Variants in ABCB11 observed in about 807,000 individuals in gnomAD.
The protein encoded by ABCB11 is ATP binding cassette subfamily B member 11, also known as bile salt export pump.
A neutral mutation model predicts 148.0 loss-of-function variants in ABCB11; 95 were observed. That is an observed-to-expected ratio of 0.64 (90% CI 0.54 to 0.76). The LOEUF (loss-of-function observed/expected upper bound fraction) is 0.76. Ranked by LOEUF, ABCB11 falls within the 30% of genes least tolerant of loss-of-function variation. ABCB11 has a pLI of 0.00. For missense variants in ABCB11, 1,523 were observed against 1,617.8 expected, an observed-to-expected ratio of 0.94 and a Z score of 1.01; for synonymous variants, 591 against 555.4, an observed-to-expected ratio of 1.06 and a Z score of -0.90.
At chr2:168,980,057 T>C in intron 10 of ABCB11, 78 bp from the exon 11 acceptor site, 2 of 800,794 alleles carry the variant, frequency 2.5e-6, no homozygotes, top group Non-Finnish European at 4.1e-6. Context: ...GGGTCTTCCA[T>C]GTTAACGCAG....
chr2:168,918,173 TG>T (rs1429344490), downstream of ABCB11, among the ~76,000 whole-genome samples: 1 of 152,080 alleles, frequency 6.6e-6, no homozygotes, highest in East Asian at 1.9e-4. Flanking sequence ...ATTCCTTACG[TG>T]GGGGCTGACA....
At chr2:168,965,200 A>G (rs1479672336) in intron 17 of ABCB11, among the ~76,000 whole-genome samples, 1 of 151,826 alleles carries the variant, frequency 6.6e-6, no homozygotes, top group Admixed American at 6.6e-5. Flanking sequence ...GAGAGAATGT[A>G]TAAACATAAG....
chr2:168,976,015 A>C (rs930669865), intron 12 of ABCB11, among the ~76,000 whole-genome samples: 33 of 152,038 alleles, frequency 2.2e-4, no homozygotes, highest in African/African-American at 7.7e-4. Flanking sequence ...TGTAAAGATA[A>C]TTTAAAGGCA....
Position 168,924,651 on chromosome 2 carries a change from A to C in ABCB11, c.3765+6T>G. ...TGATCTAAGACTTTAGAAATTCAAC[A>C]CTTACCTTTTCACTTTCTGTGTCTA... On this transcript the variant is annotated splice_donor_region_variant and intron_variant, in intron 27 of 27. Transcript: ENST00000650372. The C allele has an allele frequency of 6.2e-7, 1 of 1,613,678 alleles. No individual in the cohort carries two copies. Among genetic ancestry groups the C allele is most frequent in the Non-Finnish European group, 8.5e-7 (1 of 1,179,776 alleles).
intron 19 of ABCB11, among the ~76,000 whole-genome samples, chr2:168,947,681 G>C (rs1238949776): frequency 2.6e-5 from 4 of 151,770 alleles, no homozygotes; most frequent in Non-Finnish European, 5.9e-5. Flanking sequence ...ATTATGCAAA[G>C]AGACAACCTA....
At chr2:168,982,511 T>G (rs1201794496) in intron 10 of ABCB11, among the ~76,000 whole-genome samples, 1 of 152,076 alleles carries the variant, frequency 6.6e-6, no homozygotes, top group African/African-American at 2.4e-5. Context: ...TTCTGCACCA[T>G]TCAGGTCCCC....
rs545073417 is a variant in ABCB11 at position 169,023,038 on chromosome 2, G to A, written c.-27-4886C>T. On this transcript the variant is annotated intron_variant, in intron 1 of 27. Coordinates refer to ENST00000650372, the MANE Select transcript of ABCB11 (RefSeq NM_003742.4). ...TACTAAAACTATTCATTGAAATATT[G>A]GCAAAGATGAAATATCCAGTAGTAC... Among the ~76,000 whole-genome samples the A allele has an allele frequency of 4.2e-4, 64 of 152,138 alleles. 1 individual carries two copies. The South Asian group carries it at 0.012, about 28-fold the overall frequency.
rs367732132 is a variant in ABCB11, at chr2:169,014,351, T to C, written c.102A>G (p.Leu34=). Residue 34 remains leucine, a synonymous_variant, in exon 4 of 28, where the codon TTA becomes TTG. Transcript: ENST00000650372. The part of the protein sequence containing the change: ...KSYNNDKKSR[L]QDEKKGDGVR... ...CGCCATCACCTTTCTTCTCATCTTG[T>C]AACCTGATGAGAAAAACATAAGGAT... 15 of 1,613,052 alleles carry C rather than the reference T, an allele frequency of 9.3e-6. No homozygotes were observed. Among genetic ancestry groups the C allele is most frequent in the Admixed American group, 1.7e-5 (1 of 59,950 alleles).
intron 12 of ABCB11, among the ~76,000 whole-genome samples, chr2:168,974,856 A>G (rs926238950): frequency 1.3e-5 from 2 of 151,482 alleles, no homozygotes; most frequent in Non-Finnish European, 2.9e-5. Context: ...CATATGTTAT[A>G]ACATTTGATG....
At position 168,986,154 on chromosome 2, in the gene ABCB11, G is replaced by A. The variant is rs757851218; in HGVS notation, c.1039C>T (p.Leu347Phe). ...YALAFWYGST[L>F]VLDEGEYTPG... Reference sequence around the variant, plus strand: ...GTATATTCTCCTTCATCCAGGACAAGTGTGGAGCCGTACCAGAAGGCCAGT... The same window carrying A: ...GTATATTCTCCTTCATCCAGGACAAATGTGGAGCCGTACCAGAAGGCCAGT... The change falls in exon 10 of 28, where the codon CTT becomes TTT. Residue 347 changes from leucine to phenylalanine, a missense_variant. Transcript: ENST00000650372. 3 of 1,612,966 alleles carry A rather than the reference G, an allele frequency of 1.9e-6. No individual in the cohort carries two copies. The South Asian group carries it at 3.3e-5, about 18-fold the overall frequency.
At chr2:169,000,885 T>G (rs34166812) in intron 5 of ABCB11, among the ~76,000 whole-genome samples, 1 of 152,156 alleles carries the variant, frequency 6.6e-6, no homozygotes, top group African/African-American at 2.4e-5. Context: ...GTTCTCTCTG[T>G]TATTTCTGTG....
intron 3 of ABCB11, among the ~76,000 whole-genome samples, chr2:169,015,397 C>T (rs1695322883): frequency 6.6e-6 from 1 of 152,026 alleles, no homozygotes; most frequent in African/African-American, 2.4e-5. Flanking sequence ...TAAATTTTTT[C>T]TGAGACTCCC....
In ABCB11 at chr2:168,964,333, C is replaced by T. The variant is rs773981036; in HGVS notation, c.2076-25G>A. On this transcript the variant is annotated intron_variant, in intron 17 of 27. Coordinates refer to ENST00000650372, the MANE Select transcript of ABCB11 (RefSeq NM_003742.4). ...CCTGTAAATAAACAGAAAGATGAAA[C>T]AGTGTAGACTGTGGCCAGATTGGAG... The T allele has an allele frequency of 8.5e-6, 13 of 1,531,880 alleles. No homozygotes were observed. In the South Asian group the frequency reaches 1.2e-4, roughly 14 times the overall value. 94.9% of individuals were successfully genotyped at this position (1,531,880 alleles called of 1,614,324 possible).
At chr2:168,976,736 A>G (rs1693924609) in intron 11 of ABCB11, 49 bp from the exon 12 acceptor site, 1 of 1,098,798 alleles carries the variant, frequency 9.1e-7, no homozygotes, top group Non-Finnish European at 1.4e-6. Context: ...ACTAAGATGC[A>G]CAACTCAATT....
intron 21 of ABCB11, among the ~76,000 whole-genome samples, chr2:168,940,525 C>G (rs182900844): frequency 2.6e-5 from 4 of 151,906 alleles, no homozygotes; most frequent in Admixed American, 6.6e-5. Flanking sequence ...AGAAAAGTTG[C>G]TTTATGAGGT....
rs531314192 is a variant in ABCB11, at chr2:169,030,272, T to G, written c.-28+953A>C. ...GCTTGCAATCTAGAGTGGGGTGGAG[T>G]GTAAACAGAAGCTCCTAGACAGGGA... On this transcript the variant is annotated intron_variant, in intron 1 of 27. Transcript: ENST00000650372. Among the ~76,000 whole-genome samples the G allele has an allele frequency of 9.2e-5, 14 of 151,608 alleles. No individual in the cohort carries two copies. The South Asian group carries it at 2.7e-3, about 29-fold the overall frequency.
intron 9 of ABCB11, 106 bp downstream of exon 9, chr2:168,990,695 G>A (rs34532548): frequency 5.0e-6 from 7 of 1,409,000 alleles, no homozygotes. Context: ...ACTTCCTCTG[G>A]AGGCCACAGA....
At chr2:169,006,758 AGCAATGG>A (rs2106034193) in intron 5 of ABCB11, among the ~76,000 whole-genome samples, 1 of 152,276 alleles carries the variant, frequency 6.6e-6, no homozygotes, top group Non-Finnish European at 1.5e-5. Context: ...TTGCGATAGT[AGCAATGG>A]GCAAACTGAA....
At position 168,971,932 on chromosome 2, in the gene ABCB11, T is replaced by C. The variant is rs770750597; in HGVS notation, c.1553A>G (p.Tyr518Cys). Reference sequence around the variant, plus strand: ...TTCCATTGTTGCATCTTCTCTGCCATAGCGAATATTTTCTGCAATGGTGGT... The same window carrying C: ...TTCCATTGTTGCATCTTCTCTGCCACAGCGAATATTTTCTGCAATGGTGGT... ...FSTTIAENIR[Y>C]GREDATMEDI... Residue 518 changes from tyrosine (Y) to cysteine (C), a missense_variant, in exon 14 of 28, where the codon TAT becomes TGT. Tyr to Cys is a radical substitution (Grantham distance 194). Coordinates refer to ENST00000650372, the MANE Select transcript of ABCB11 (RefSeq NM_003742.4). The C allele has an allele frequency of 9.3e-6, 15 of 1,612,962 alleles. No homozygotes were observed. Among genetic ancestry groups the C allele is most frequent in the African/African-American group, 1.3e-5 (1 of 74,852 alleles).
Sources: gnomAD v4.1 joint callset for allele counts (sites outside exome capture counted in the v4.1 genomes callset) on GRCh38, gnomAD v4.1.1 for gene constraint, MANE v1.5 for transcripts, NCBI Gene and HGNC (gene_info 2026-07-23, HGNC 2026-07-21) for gene names.